The following ADARB2 variants were observed in gnomAD, a reference collection of about 807,000 sequenced individuals.
ADARB2 encodes adenosine deaminase RNA specific B2 (inactive), also known as inactive double-stranded RNA-specific editase B2.
ADARB2 carries 25 observed loss-of-function variants against 62.2 expected under a neutral mutation model. The ratio of observed to expected loss-of-function variants is 0.40; its 90% CI spans 0.29 to 0.56. ADARB2 has a LOEUF of 0.56. ADARB2 is among the 20% of genes least tolerant of loss of function. The pLI, the probability that ADARB2 is intolerant of heterozygous loss-of-function variation, is 0.43. For synonymous variants in ADARB2, 572 were observed against 500.8 expected (o/e 1.14, Z -1.90); for missense variants, 1,071 against 1,077.4 (o/e 0.99, Z 0.08).
At chr10:1,394,802 A>C (rs1832597437) in intron 1 of ADARB2, 1 of 456,378 alleles carries the variant, frequency 2.2e-6, no homozygotes, top group Admixed American at 2.4e-5. Context: ...GTCTAAGGGG[A>C]GGAGCTGCTT....
At chr10:1,289,789 G>A (rs1244502508) in intron 3 of ADARB2, among the ~76,000 whole-genome samples, 1 of 152,256 alleles carries the variant, frequency 6.6e-6, no homozygotes, top group African/African-American at 2.4e-5. Flanking sequence ...TCCACGGTGG[G>A]TGTGCCACAG....
chr10:1,672,414 A>G (rs567150359), intron 1 of ADARB2, among the ~76,000 whole-genome samples: 1 of 152,230 alleles, frequency 6.6e-6, no homozygotes, highest in East Asian at 1.9e-4. Context: ...CTGCGGTTGA[A>G]CTACAGACAT....
At chr10:1,522,221 A>T (rs537151841) in intron 1 of ADARB2, among the ~76,000 whole-genome samples, 1 of 152,304 alleles carries the variant, frequency 6.6e-6, no homozygotes, top group East Asian at 1.9e-4. Flanking sequence ...GTTCTCAGAG[A>T]GCCTCACGTT....
intron 1 of ADARB2, among the ~76,000 whole-genome samples, chr10:1,517,529 G>A (rs1007709499): frequency 6.6e-6 from 1 of 152,086 alleles, no homozygotes; most frequent in Non-Finnish European, 1.5e-5. Flanking sequence ...TTCGTATATT[G>A]GAACTTAAGT....
intron 1 of ADARB2, among the ~76,000 whole-genome samples, chr10:1,385,598 G>A (rs1285525080): frequency 6.6e-6 from 1 of 151,922 alleles, no homozygotes; most frequent in African/African-American, 2.4e-5. Flanking sequence ...CTAAGCACAG[G>A]GAGAAATAGA....
intron 1 of ADARB2, among the ~76,000 whole-genome samples, chr10:1,437,383 T>C (rs1220235568): frequency 6.6e-6 from 1 of 152,174 alleles, no homozygotes; most frequent in African/African-American, 2.4e-5. Flanking sequence ...AATTCATACA[T>C]ATTTATAGTA....
chr10:1,558,954 G>A (rs1223687896), intron 1 of ADARB2, among the ~76,000 whole-genome samples: 1 of 152,216 alleles, frequency 6.6e-6, no homozygotes, highest in Non-Finnish European at 1.5e-5. Context: ...GTTTGTTCAC[G>A]TTTGGACTCA....
At chr10:1,490,594 A>T (rs73582340) in intron 1 of ADARB2, among the ~76,000 whole-genome samples, 1 of 152,198 alleles carries the variant, frequency 6.6e-6, no homozygotes, top group African/African-American at 2.4e-5. Context: ...AGCTGGGATT[A>T]CAGGTGTGTG....
At chr10:1,330,978 T>C (rs961019749) in intron 3 of ADARB2, among the ~76,000 whole-genome samples, 18 of 152,202 alleles carry the variant, frequency 1.2e-4, no homozygotes, top group African/African-American at 4.3e-4. Context: ...TTAGAATACA[T>C]ATTTCTCCAA....
chr10:1,186,148 T>C (rs1023460879), intron 8 of ADARB2, among the ~76,000 whole-genome samples: 7 of 152,214 alleles, frequency 4.6e-5, no homozygotes. Flanking sequence ...CATTTGGCAA[T>C]GTGACCCTCG....
At chr10:1,507,433 C>T (rs1831866369) in intron 1 of ADARB2, among the ~76,000 whole-genome samples, 1 of 152,358 alleles carries the variant, frequency 6.6e-6, no homozygotes, top group East Asian at 1.9e-4. Context: ...CTGCTATCCA[C>T]ACACCCCAGC....
chr10:1,422,612 A>G (rs1411739909), intron 1 of ADARB2, among the ~76,000 whole-genome samples: 4 of 152,298 alleles, frequency 2.6e-5, no homozygotes, highest in Non-Finnish European at 5.9e-5. Context: ...CCTGGGAGCC[A>G]TCTACTCTGG....
At chr10:1,643,307 C>G (rs921764960) in intron 1 of ADARB2, among the ~76,000 whole-genome samples, 1 of 152,208 alleles carries the variant, frequency 6.6e-6, no homozygotes, top group African/African-American at 2.4e-5. Flanking sequence ...AGTACAAAGT[C>G]TCTGCACCTA....
At chr10:1,343,279 A>G (rs1832046712) in intron 3 of ADARB2, among the ~76,000 whole-genome samples, 1 of 152,216 alleles carries the variant, frequency 6.6e-6, no homozygotes, top group African/African-American at 2.4e-5. Flanking sequence ...AACATCACTG[A>G]TCATTAGAGA....
At chr10:1,438,301 G>A (rs1830857733) in intron 1 of ADARB2, among the ~76,000 whole-genome samples, 1 of 150,948 alleles carries the variant, frequency 6.6e-6, no homozygotes, top group South Asian at 2.1e-4. Flanking sequence ...TTCATCATGG[G>A]GCTCCTGAGT....
rs34381966 is a variant in ADARB2 at position 1,178,156 on chromosome 10, G to GA, written c.*5036dup. 111,917 of 152,144 alleles carry GA rather than the reference G, an allele frequency of 0.74. 41,181 individuals carry two copies. Among genetic ancestry groups the GA allele is most frequent in the South Asian group, 0.78 (3,746 of 4,820 alleles). 9.4% of individuals were successfully genotyped at this position (152,144 alleles called of 1,614,324 possible). ...CTGTTGTGTGGATCCCTCGTGGGGG[G>GA]ATGGTGCCTGAGACCTCCTCCTGGG... is the stretch of plus-strand genomic sequence containing the variant. On this transcript the variant is annotated 3_prime_UTR_variant, in exon 10 of 10. Transcript: ENST00000381312.
intron 3 of ADARB2, among the ~76,000 whole-genome samples, chr10:1,358,791 T>TA (rs1012810884): frequency 5.9e-5 from 9 of 152,068 alleles, no homozygotes; most frequent in African/African-American, 1.9e-4. Flanking sequence ...CATGAAAATT[T>TA]AAAAAACAAA....
At chr10:1,617,519 C>CCTGGGA (rs1833656826) in intron 1 of ADARB2, among the ~76,000 whole-genome samples, 2 of 68,246 alleles carry the variant, frequency 2.9e-5, no homozygotes, top group African/African-American at 6.6e-5. Flanking sequence ...TGTGCTCTGC[C>CCTGGGA]TCCTGGGAAC....
chr10:1,360,340 G>A (rs1832241250), intron 3 of ADARB2, among the ~76,000 whole-genome samples: 1 of 152,230 alleles, frequency 6.6e-6, no homozygotes, highest in Non-Finnish European at 1.5e-5. Context: ...GGTGCTAACA[G>A]GGCCGTCAGA....
Sources: gnomAD v4.1 joint callset for allele counts (sites outside exome capture counted in the v4.1 genomes callset) on GRCh38, gnomAD v4.1.1 for gene constraint, MANE v1.5 for transcripts, NCBI Gene and HGNC (gene_info 2026-07-23, HGNC 2026-07-21) for gene names.